Variants in GPHN observed in about 807,000 individuals in gnomAD.
GPHN encodes the protein gephyrin.
In GPHN, 17 loss-of-function variants were observed where a neutral mutation model predicts 95.5. That is an observed-to-expected ratio of 0.18 (90% CI 0.12 to 0.27). GPHN has a LOEUF of 0.27. Among genes scored for constraint, GPHN ranks in the 10% least tolerant of loss-of-function variants. GPHN has a pLI of 1.00. For missense variants in GPHN, 660 were observed against 978.1 expected (o/e 0.67, Z 4.34); for synonymous variants, 320 against 322.5 (o/e 0.99, Z 0.08).
At chr14:67,442,573 T>A in the GPHN span, among the ~76,000 whole-genome samples, 1 of 152,200 alleles carries the variant, frequency 6.6e-6, no homozygotes, top group African/African-American at 2.4e-5. Context: ...TTCCTCTGTG[T>A]CCTGTCCTGG....
chr14:67,393,128 C>T, the GPHN span: 2,411 of 1,556,476 alleles, frequency 1.5e-3, 1 homozygote, highest in Non-Finnish European at 2.0e-3. Context: ...CTGCCCAGCC[C>T]GGCCCTGGGG....
At chr14:66,719,455 C>A (rs2070520959) in intron 2 of GPHN, among the ~76,000 whole-genome samples, 1 of 152,190 alleles carries the variant, frequency 6.6e-6, no homozygotes, top group Non-Finnish European at 1.5e-5. Context: ...CCCTTTCCCA[C>A]TTTCTCAGTT....
the GPHN span, chr14:67,359,845 C>T: frequency 6.1e-6 from 5 of 822,434 alleles, no homozygotes; most frequent in East Asian, 2.7e-5. Context: ...AGCAGGGACA[C>T]CCATTTTCAC....
chr14:66,767,851 A>C (rs2059020457), intron 2 of GPHN, among the ~76,000 whole-genome samples: 1 of 151,986 alleles, frequency 6.6e-6, no homozygotes, highest in South Asian at 2.1e-4. Context: ...ATTATTAAAT[A>C]ATTGCAGTTA....
chr14:67,120,356 A>G (rs958806032), intron 16 of GPHN, among the ~76,000 whole-genome samples: 1 of 152,204 alleles, frequency 6.6e-6, no homozygotes, highest in Admixed American at 6.5e-5. Context: ...ATTCTAGTAT[A>G]TTTAGCCTTA....
At chr14:67,061,749 C>T (rs1270017629) in intron 11 of GPHN, among the ~76,000 whole-genome samples, 1 of 151,992 alleles carries the variant, frequency 6.6e-6, no homozygotes, top group Non-Finnish European at 1.5e-5. Context: ...CAGCCTCAAG[C>T]GATCCTCTCG....
the GPHN span, among the ~76,000 whole-genome samples, chr14:67,536,206 A>G: frequency 6.6e-6 from 1 of 151,898 alleles, no homozygotes; most frequent in Admixed American, 6.5e-5. Flanking sequence ...GTGGAATGTC[A>G]TGTAGGCACC....
chr14:66,784,828 A>G (rs974591314), intron 3 of GPHN, among the ~76,000 whole-genome samples: 10 of 152,210 alleles, frequency 6.6e-5, no homozygotes, highest in Non-Finnish European at 1.3e-4. Context: ...GAAACAGGAC[A>G]AAAACAGAAA....
chr14:66,776,613 G>T, intron 3 of GPHN, 92 bp downstream of exon 3: 3 of 802,632 alleles, frequency 3.7e-6, no homozygotes, highest in Non-Finnish European at 6.8e-6. Context: ...TTGATATTTG[G>T]CTATGTTAGA....
At chr14:67,377,850 G>A in the GPHN span, among the ~76,000 whole-genome samples, 1 of 152,006 alleles carries the variant, frequency 6.6e-6, no homozygotes, top group Admixed American at 6.6e-5. Context: ...GCTCATGCCT[G>A]TAATCCCAGC....
intron 4 of GPHN, among the ~76,000 whole-genome samples, chr14:66,851,833 G>T (rs913467473): frequency 3.3e-5 from 5 of 152,142 alleles, no homozygotes; most frequent in Non-Finnish European, 7.3e-5. Flanking sequence ...GAATAGAATG[G>T]GTTGAGTGGG....
intron 3 of GPHN, among the ~76,000 whole-genome samples, chr14:66,806,974 T>A (rs1025930440): frequency 3.5e-4 from 53 of 152,198 alleles, no homozygotes; most frequent in African/African-American, 1.2e-3. Flanking sequence ...TGAATTAGTC[T>A]GTTTTCACAC....
chr14:67,395,320 G>A, the GPHN span: 4 of 1,230,532 alleles, frequency 3.3e-6, no homozygotes, highest in Admixed American at 5.7e-5. Flanking sequence ...CAAGCACAGA[G>A]CCCCCCCAAG....
At chr14:67,439,584 TCTTTCTTTC>T in the GPHN span, among the ~76,000 whole-genome samples, 1 of 141,082 alleles carries the variant, frequency 7.1e-6, no homozygotes, top group East Asian at 2.1e-4. Context: ...TTTCTTTCTT[TCTTTCTTTC>T]TTCTTTCTTT....
chr14:67,009,398 T>C (rs1243865743), intron 9 of GPHN, among the ~76,000 whole-genome samples: 1 of 152,152 alleles, frequency 6.6e-6, no homozygotes, highest in African/African-American at 2.4e-5. Flanking sequence ...TTAGATACAA[T>C]ATTTCTAACT....
chr14:67,165,911 A>C (rs1053040392), intron 20 of GPHN, among the ~76,000 whole-genome samples: 4 of 152,216 alleles, frequency 2.6e-5, no homozygotes, highest in African/African-American at 4.8e-5. Flanking sequence ...ATATAAAGTC[A>C]TGGTGAATCT....
chr14:67,169,196 G>T (rs1454088600), intron 21 of GPHN, 160 bp downstream of exon 21: 6 of 648,616 alleles, frequency 9.3e-6, no homozygotes, highest in Non-Finnish European at 1.7e-5. Flanking sequence ...TAGGAGAAAG[G>T]GTCCCTTTAA....
chr14:67,716,010 A>G, the GPHN span, among the ~76,000 whole-genome samples: 1 of 152,260 alleles, frequency 6.6e-6, no homozygotes, highest in African/African-American at 2.4e-5. Flanking sequence ...CCTGGCTAAC[A>G]TGGTGAAACC....
At chr14:67,350,176 A>G in the GPHN span, among the ~76,000 whole-genome samples, 1 of 152,220 alleles carries the variant, frequency 6.6e-6, no homozygotes, top group South Asian at 2.1e-4. Context: ...TAAATAATCC[A>G]ATTCTCAAAA....
Sources: gnomAD v4.1 joint callset for allele counts (sites outside exome capture counted in the v4.1 genomes callset) on GRCh38, gnomAD v4.1.1 for gene constraint, MANE v1.5 for transcripts, NCBI Gene and HGNC (gene_info 2026-07-23, HGNC 2026-07-21) for gene names.